The following SLC28A1 variants were observed in gnomAD, a reference collection of about 807,000 sequenced individuals.
SLC28A1 encodes the protein solute carrier family 28 member 1.
In SLC28A1, 64 loss-of-function variants were observed where a neutral mutation model predicts 74.8. The ratio of observed to expected loss-of-function variants is 0.86; its 90% CI spans 0.70 to 1.05. The LOEUF is 1.05. Among genes scored for constraint, SLC28A1 ranks in the 50% least tolerant of loss-of-function variants. The pLI, the probability that SLC28A1 is intolerant of heterozygous loss-of-function variation, is 0.00. For synonymous variants in SLC28A1, 359 were observed against 335.0 expected, an observed-to-expected ratio of 1.07 and a Z score of -0.78; for missense variants, 828 against 822.8, an observed-to-expected ratio of 1.01 and a Z score of -0.08.
At chr15:84,963,397 G>C in the SLC28A1 span, among the ~76,000 whole-genome samples, 1 of 152,158 alleles carries the variant, frequency 6.6e-6, no homozygotes, top group Non-Finnish European at 1.5e-5. Context: ...CTGAGGTCCT[G>C]CTAGAATGGG....
chr15:84,910,665 T>C (rs1385102977), intron 9 of SLC28A1, among the ~76,000 whole-genome samples: 1 of 151,674 alleles, frequency 6.6e-6, no homozygotes, highest in Non-Finnish European at 1.5e-5. Flanking sequence ...GAGGCAGAGG[T>C]TGCAGTGAGC....
chr15:84,967,304 T>A, the SLC28A1 span, among the ~76,000 whole-genome samples: 1 of 152,154 alleles, frequency 6.6e-6, no homozygotes, highest in Admixed American at 6.5e-5. Flanking sequence ...GGGGGATGAG[T>A]GGCTGACATT....
In SLC28A1 at chr15:84,933,703, G is replaced by A. The variant is rs569364870; in HGVS notation, c.1214+428G>A. On this transcript the variant is annotated intron_variant, in intron 13 of 18. Coordinates refer to ENST00000394573, the MANE Select transcript of SLC28A1 (RefSeq NM_004213.5). ...GAAGCCACCAGTCAAGTCCAGGTGC[G>A]ATGGTTCATGCCTGTAATCCCAGCA... Among the ~76,000 whole-genome samples the A allele has an allele frequency of 1.2e-4, 18 of 152,254 alleles. No individual in the cohort carries two copies. In the South Asian group the frequency reaches 1.2e-3, roughly 11 times the overall value.
chr15:84,955,156 G>A, the SLC28A1 span, among the ~76,000 whole-genome samples: 5 of 152,228 alleles, frequency 3.3e-5, no homozygotes, highest in East Asian at 9.6e-4. Flanking sequence ...AGACACGAGC[G>A]AAAAAGCCTC....
chr15:84,931,415 G>C (rs1457711461), intron 12 of SLC28A1, among the ~76,000 whole-genome samples: 1 of 151,600 alleles, frequency 6.6e-6, no homozygotes, highest in East Asian at 2.0e-4. Context: ...GGGAGGCCAA[G>C]GCAGGCAGAT....
downstream of SLC28A1, among the ~76,000 whole-genome samples, chr15:84,948,259 C>T (rs1031662116): frequency 6.6e-6 from 1 of 152,182 alleles, no homozygotes; most frequent in Admixed American, 6.5e-5. Context: ...AGAATATCAT[C>T]TGCTTGAAAT....
chr15:84,963,905 C>G, the SLC28A1 span, among the ~76,000 whole-genome samples: 1 of 152,204 alleles, frequency 6.6e-6, no homozygotes, highest in African/African-American at 2.4e-5. Flanking sequence ...TGCTTTCAGT[C>G]CCTTGAAGGA....
intron 5 of SLC28A1, among the ~76,000 whole-genome samples, chr15:84,892,869 C>T (rs1276531604): frequency 1.3e-5 from 2 of 152,206 alleles, no homozygotes; most frequent in Non-Finnish European, 2.9e-5. Flanking sequence ...GAAGGAGGTG[C>T]CTCTTGCCCG....
At chr15:84,935,579 G>C in intron 15 of SLC28A1, 61 bp downstream of exon 15, 1 of 1,429,596 alleles carries the variant, frequency 7.0e-7, no homozygotes, top group South Asian at 1.2e-5. Flanking sequence ...ACTCCTCAGG[G>C]CCCCTGGCAG....
intron 4 of SLC28A1, among the ~76,000 whole-genome samples, chr15:84,889,492 G>A (rs1965020945): frequency 6.6e-6 from 1 of 152,112 alleles, no homozygotes; most frequent in Non-Finnish European, 1.5e-5. Context: ...GTGGGAGGTG[G>A]GGACTGAGAG....
At chr15:84,928,572 T>C (rs866733439) in intron 12 of SLC28A1, among the ~76,000 whole-genome samples, 625 of 18,000 alleles carry the variant, frequency 0.035, 15 homozygotes, top group Middle Eastern at 0.071. Flanking sequence ...CTTTCTTTCT[T>C]TCTTTCTTTC....
chr15:84,925,369 C>G (rs1405482309), intron 12 of SLC28A1, among the ~76,000 whole-genome samples: 1 of 152,070 alleles, frequency 6.6e-6, no homozygotes, highest in East Asian at 1.9e-4. Flanking sequence ...GATGCCAAGG[C>G]GGGTGGATCA....
chr15:84,941,961 A>T (rs1972775106), intron 15 of SLC28A1, among the ~76,000 whole-genome samples: 1 of 152,220 alleles, frequency 6.6e-6, no homozygotes, highest in Admixed American at 6.5e-5. Flanking sequence ...GAACTTCCTT[A>T]GTTACTTAAC....
intron 6 of SLC28A1, chr15:84,896,010 T>A: frequency 1.1e-6 from 1 of 875,614 alleles, no homozygotes; most frequent in South Asian, 5.2e-5. Flanking sequence ...ACATTTGACT[T>A]CTCTTTATTA....
At chr15:84,943,628 C>G in intron 16 of SLC28A1, 102 bp downstream of exon 16, 1 of 940,504 alleles carries the variant, frequency 1.1e-6, no homozygotes, top group Non-Finnish European at 1.7e-6. Context: ...AAGCAGGACC[C>G]AAACAAGATG....
intron 9 of SLC28A1, among the ~76,000 whole-genome samples, chr15:84,912,422 G>A (rs970890149): frequency 6.6e-6 from 1 of 152,118 alleles, no homozygotes; most frequent in Non-Finnish European, 1.5e-5. Flanking sequence ...TCTTCTGGGG[G>A]GAAGTAAAGT....
chr15:84,970,438 G>A, the SLC28A1 span, among the ~76,000 whole-genome samples: 1 of 152,158 alleles, frequency 6.6e-6, no homozygotes, highest in Non-Finnish European at 1.5e-5. Context: ...TGCATGGGAA[G>A]GGTCTATACA....
chr15:84,918,551 T>G lies in SLC28A1; in HGVS notation c.823T>G (p.Cys275Gly), dbSNP rs748117591. The G allele has an allele frequency of 3.7e-6, 6 of 1,613,890 alleles. No individual in the cohort carries two copies. In the Admixed American group the frequency reaches 1.0e-4, roughly 27 times the overall value. The part of the protein sequence containing the change: ...QVLPIIVFFS[C>G]VISVLYHVGL... ...TCTGCCCATCATTGTCTTTTTCAGC[T>G]GTGTCATATCCGTTCTCTACCACGT... is the stretch of plus-strand genomic sequence containing the variant. Residue 275 changes from cysteine (C) to glycine (G), a missense_variant, in exon 10 of 19, where the codon TGT becomes GGT. Transcript: ENST00000394573.
At chr15:84,931,158 G>A (rs566371421) in intron 12 of SLC28A1, among the ~76,000 whole-genome samples, 152 of 151,482 alleles carry the variant, frequency 1.0e-3, no homozygotes, top group African/African-American at 3.5e-3. Flanking sequence ...TGCCCGCCTT[G>A]GCCTCCCAAA....
Sources: allele counts gnomAD v4.1 joint callset (sites outside exome capture counted in the v4.1 genomes callset), GRCh38; gene constraint gnomAD v4.1.1; transcripts MANE v1.5; gene names NCBI Gene and HGNC (gene_info 2026-07-23, HGNC 2026-07-21).